The following NRSN1 variants were observed in gnomAD, a reference collection of about 807,000 sequenced individuals.
The protein encoded by NRSN1 is neurensin 1.
Under a neutral mutation model 17.3 loss-of-function variants are expected in NRSN1, and 14 were observed. That is an observed-to-expected ratio of 0.81 (90% CI 0.54 to 1.27). The LOEUF is 1.27. Ranked by LOEUF, NRSN1 falls within the 50% of genes most tolerant of loss-of-function variation. NRSN1 has a pLI of 0.00. For missense variants in NRSN1, 209 were observed against 235.9 expected (o/e 0.89, Z 0.75); for synonymous variants, 79 against 94.2 (o/e 0.84, Z 0.93).
chr6:24,134,264 T>C lies in NRSN1; in HGVS notation c.-9-55T>C, dbSNP rs1311016551. 4.2e-6 allele frequency: 6 copies of C among 1,435,510 alleles called. No individual in the cohort carries two copies. The East Asian group carries it at 1.4e-4, about 33-fold the overall frequency. The allele number at this position is 1,435,510 out of a possible 1,614,324, so 88.9% of individuals were successfully genotyped here. A position where few individuals can be genotyped will look rare whatever the true frequency, so the allele number is the denominator to read the frequency against. On this transcript the variant is annotated intron_variant, in intron 2 of 3. Coordinates refer to ENST00000378491, the MANE Select transcript of NRSN1 (RefSeq NM_080723.5). ...CTGGTTCTTACCTTTCATATGTCTT[T>C]TGATCCTGTGGCCAAAGCCTGTGGC...
At chr6:24,140,783 T>G in intron 3 of NRSN1, 4 of 1,165,256 alleles carry the variant, frequency 3.4e-6, no homozygotes, top group Non-Finnish European at 4.4e-6. Context: ...TAAACTGCAT[T>G]TTCAGGCCTC....
intron 3 of NRSN1, among the ~76,000 whole-genome samples, chr6:24,143,197 C>T (rs948098877): frequency 3.3e-5 from 5 of 152,166 alleles, no homozygotes; most frequent in South Asian, 2.1e-4. Context: ...GAAGCCCAGC[C>T]GGCTTCACCT....
intron 2 of NRSN1, chr6:24,129,326 A>T (rs1381240684): frequency 6.6e-6 from 1 of 152,208 alleles, no homozygotes; most frequent in African/African-American, 2.4e-5. Flanking sequence ...GTAGTGCTTT[A>T]AAAACACTGA....
rs1249871742 is a variant in NRSN1 at position 24,145,689 on chromosome 6, G to A, written c.331G>A (p.Ala111Thr). ...CACACATGCTGTCCAGTTTAACAGT[G>A]CTCTGGACATGTACAAGCTGGCAGG... ...VDTHAVQFNS[A>T]LDMYKLAGAV... Residue 111 changes from alanine (A) to threonine (T), a missense_variant, in exon 4 of 4, where the codon GCT becomes ACT. By Grantham distance (58) the Ala-to-Thr change is moderately conservative. Coordinates refer to ENST00000378491, the MANE Select transcript of NRSN1 (RefSeq NM_080723.5). This position sits in a 1 kb window ranked among gnomAD's most constrained non-coding sequence, Gnocchi z 4.4. The A allele has an allele frequency of 6.2e-7, 1 of 1,614,190 alleles. No individual in the cohort carries two copies. The highest frequency in any genetic ancestry group is 8.5e-7 in the Non-Finnish European group (1 of 1,180,018).
Position 24,145,475 on chromosome 6 carries a change from G to T in NRSN1, c.190-73G>T. The T allele has an allele frequency of 9.6e-6, 11 of 1,151,470 alleles. No homozygotes were observed. The highest frequency in any genetic ancestry group is 1.3e-5 in the Non-Finnish European group (11 of 833,108). The allele number at this position is 1,151,470 out of a possible 1,614,324, so 71.3% of individuals were successfully genotyped here. On this transcript the variant is annotated intron_variant, in intron 3 of 3. Transcript: ENST00000378491. The surrounding 1 kb of genome is among the most constrained non-coding windows in gnomAD (Gnocchi z 4.4). ...TCTCTCAAGAAACAAGACAAGTGCT[G>T]CCCTTGAGGGCTCAGGGGCGAGCCG...
At chr6:24,139,226 T>A (rs1760161665) in intron 3 of NRSN1, among the ~76,000 whole-genome samples, 1 of 152,206 alleles carries the variant, frequency 6.6e-6, no homozygotes, top group Non-Finnish European at 1.5e-5. Flanking sequence ...CTGGTTTATT[T>A]CACTTGACAT....
intron 3 of NRSN1, chr6:24,141,073 G>A (rs904919315): frequency 9.8e-6 from 14 of 1,431,362 alleles, no homozygotes; most frequent in Non-Finnish European, 1.3e-5. Context: ...ACCACCCTAA[G>A]GCCCCAGGTT....
At chr6:24,139,721 C>T (rs1489041127) in intron 3 of NRSN1, among the ~76,000 whole-genome samples, 3 of 152,276 alleles carry the variant, frequency 2.0e-5, no homozygotes, top group African/African-American at 7.2e-5. Context: ...TCCAATTAAA[C>T]GCTAAAGAGA....
intron 3 of NRSN1, among the ~76,000 whole-genome samples, chr6:24,136,385 T>A (rs574414793): frequency 4.6e-5 from 7 of 152,336 alleles, no homozygotes; most frequent in Admixed American, 4.6e-4. Flanking sequence ...CATATTGTTG[T>A]CACATACTCT....
chr6:24,130,025 A>G (rs1760004304), intron 2 of NRSN1, among the ~76,000 whole-genome samples: 1 of 152,174 alleles, frequency 6.6e-6, no homozygotes, highest in South Asian at 2.1e-4. Context: ...TCTGGATTGA[A>G]TTAAATATAA....
At chr6:24,127,639 T>C (rs1759968611) in intron 1 of NRSN1, among the ~76,000 whole-genome samples, 2 of 152,132 alleles carry the variant, frequency 1.3e-5, no homozygotes, top group South Asian at 2.1e-4. Flanking sequence ...AAGTAAATCA[T>C]CCAAAGAGCC....
At chr6:24,141,518 C>T (rs1331254791) in intron 3 of NRSN1, 2 of 158,428 alleles carry the variant, frequency 1.3e-5, no homozygotes. Flanking sequence ...CTTCAGAAGC[C>T]TTGAAGTCAG....
rs1383920300 is a variant in NRSN1, at chr6:24,136,392, C to A, written c.189+1876C>A. On this transcript the variant is annotated intron_variant, in intron 3 of 3. Transcript: ENST00000378491. ...TTCAGTGTCATATTGTTGTCACATA[C>A]TCTGCATCAGAACTGGTCAAGTCAG... Among the ~76,000 whole-genome samples, 6 of 152,342 alleles carry A rather than the reference C, an allele frequency of 3.9e-5. 1 individual carries two copies. Among genetic ancestry groups the A allele is most frequent in the Admixed American group, 3.9e-4 (6 of 15,302 alleles).
rs1581545808 is a variant in NRSN1 at position 24,126,490 on chromosome 6, G to A, written c.-83+150G>A. On this transcript the variant is annotated intron_variant, in intron 1 of 3. Transcript: ENST00000378491. ...CTCTCTCCCTCCCTCCTTCATTCAC[G>A]TTTATTATATGTGCACCAATCTCCA... 3 of 151,430 alleles carry A rather than the reference G, an allele frequency of 2.0e-5. No individual in the cohort carries two copies. In the South Asian group the frequency reaches 6.3e-4, roughly 32 times the overall value. The allele number at this position is 151,430 out of a possible 1,614,324, so 9.4% of individuals were successfully genotyped here.
At position 24,145,749 on chromosome 6, in the gene NRSN1, G is replaced by A; in HGVS notation, c.391G>A (p.Ala131Thr). The A allele has an allele frequency of 6.2e-7, 1 of 1,614,158 alleles. No homozygotes were observed. Among genetic ancestry groups the A allele is most frequent in the Non-Finnish European group, 8.5e-7 (1 of 1,180,010 alleles). Residue 131 changes from alanine to threonine, a missense_variant, in exon 4 of 4, where the codon GCA becomes ACA. Transcript: ENST00000378491. The surrounding 1 kb of genome is among the most constrained non-coding windows in gnomAD (Gnocchi z 4.4). ...CTTCTGCATTGGAGGCACGTCCATG[G>A]CAGGGTGCCTGCTGATGTCGGTGTT... ...VLFCIGGTSM[A>T]GCLLMSVFVK...
Position 24,145,198 on chromosome 6 carries a change from A to ATCTTTAGATAATATAAAGATTAT in NRSN1, c.190-350_190-349insTCTTTAGATAATATAAAGATTAT, listed in dbSNP as rs1760282354. Among the ~76,000 whole-genome samples, 1 of 120,928 alleles carries ATCTTTAGATAATATAAAGATTAT rather than the reference A, an allele frequency of 8.3e-6. No homozygotes were observed. Among genetic ancestry groups the ATCTTTAGATAATATAAAGATTAT allele is most frequent in the African/African-American group, 2.9e-5 (1 of 34,388 alleles). The allele number at this position is 120,928 out of a possible 152,430, so 79.3% of individuals were successfully genotyped here. A position where few individuals can be genotyped will look rare whatever the true frequency, so the allele number is the denominator to read the frequency against. The stretch of plus-strand genomic sequence containing the variant: ...ATTATATAGATCTTTAGCTATATAT[A>ATCTTTAGATAATATAAAGATTAT]ATATATCTTTAGATAATATAAAGAT... On this transcript the variant is annotated intron_variant, in intron 3 of 3. Transcript: ENST00000378491. The surrounding 1 kb of genome is among the most constrained non-coding windows in gnomAD (Gnocchi z 4.4).
Position 24,145,291 on chromosome 6 carries a change from T to A in NRSN1, c.190-257T>A, listed in dbSNP as rs1483985460. 2.7e-5 allele frequency among the ~76,000 whole-genome samples: 4 copies of A among 147,624 alleles called. No individual in the cohort carries two copies. Among genetic ancestry groups the A allele is most frequent in the African/African-American group, 9.9e-5 (4 of 40,590 alleles). On this transcript the variant is annotated intron_variant, in intron 3 of 3. Transcript: ENST00000378491. This position sits in a 1 kb window ranked among gnomAD's most constrained non-coding sequence, Gnocchi z 4.4. ...TAGATATACAATATATGTATATCTTTAGATATATAATATATATATATGATA... is the reference window on the plus strand; with the variant it reads ...TAGATATACAATATATGTATATCTTAAGATATATAATATATATATATGATA...
chr6:24,139,089 G>C (rs1038278214), intron 3 of NRSN1, among the ~76,000 whole-genome samples: 5 of 151,994 alleles, frequency 3.3e-5, no homozygotes, highest in African/African-American at 1.2e-4. Flanking sequence ...TTGAAATTTT[G>C]TATCTTTTAA....
Position 24,146,041 on chromosome 6 carries a change from C to A in NRSN1, c.*95C>A. The A allele has an allele frequency of 7.8e-7, 1 of 1,277,202 alleles. No homozygotes were observed. The highest frequency in any genetic ancestry group is 1.1e-6 in the Non-Finnish European group (1 of 881,110). 79.1% of individuals were successfully genotyped at this position (1,277,202 alleles called of 1,614,324 possible). A position where few individuals can be genotyped will look rare whatever the true frequency, so the allele number is the denominator to read the frequency against. On this transcript the variant is annotated 3_prime_UTR_variant, in exon 4 of 4. Coordinates refer to ENST00000378491, the MANE Select transcript of NRSN1 (RefSeq NM_080723.5). ...GATAAAGAAGATTTGGCGTTGACTG[C>A]CCTAGGGCTGTGTTCAGCTGTGGGC...
Sources: allele counts gnomAD v4.1 joint callset (sites outside exome capture counted in the v4.1 genomes callset), GRCh38; gene constraint gnomAD v4.1.1; non-coding constraint Gnocchi (gnomAD v3.1); transcripts MANE v1.5; gene names NCBI Gene and HGNC (gene_info 2026-07-23, HGNC 2026-07-21).